Variants in NCAM1 observed in about 807,000 individuals in gnomAD.
The protein encoded by NCAM1 is antigen recognized by monoclonal antibody 5.1H11.
NCAM1 carries 14 observed loss-of-function variants against 109.8 expected under a neutral mutation model. The ratio of observed to expected loss-of-function variants is 0.13; its 90% CI spans 0.08 to 0.20. The LOEUF (loss-of-function observed/expected upper bound fraction) is 0.20. Ranked by LOEUF, NCAM1 falls within the 10% of genes least tolerant of loss-of-function variation. The pLI, the probability that NCAM1 is intolerant of heterozygous loss-of-function variation, is 1.00. For synonymous variants in NCAM1, 418 were observed against 442.9 expected (o/e 0.94, Z 0.70); for missense variants, 774 against 1,109.9 (o/e 0.70, Z 4.30).
chr11:113,248,007 C>T (rs1195093984), intron 15 of NCAM1, among the ~76,000 whole-genome samples: 2 of 152,108 alleles, frequency 1.3e-5, no homozygotes, highest in African/African-American at 4.8e-5. Context: ...CTATTCATTT[C>T]TTTTTTTAAA....
chr11:112,978,495 T>C (rs1555068082), intron 1 of NCAM1, among the ~76,000 whole-genome samples: 1 of 151,816 alleles, frequency 6.6e-6, no homozygotes. Flanking sequence ...AGAAATGTTC[T>C]TAATATTAGT....
intron 17 of NCAM1, chr11:113,265,036 A>T (rs1352894718): frequency 3.0e-6 from 3 of 985,394 alleles, no homozygotes; most frequent in Non-Finnish European, 3.6e-6. Flanking sequence ...CATGCTCCAC[A>T]CACCATGGGG....
At chr11:113,044,846 C>A (rs1240436597) in intron 1 of NCAM1, among the ~76,000 whole-genome samples, 3 of 152,026 alleles carry the variant, frequency 2.0e-5, no homozygotes, top group Non-Finnish European at 4.4e-5. Context: ...CTCTGCCTCG[C>A]AGGTTCACGC....
At position 113,207,266 on chromosome 11, in the gene NCAM1, C is replaced by T; in HGVS notation, c.634C>T (p.Pro212Ser). 1 of 1,613,800 alleles carries T rather than the reference C, an allele frequency of 6.2e-7. No individual in the cohort carries two copies. Among genetic ancestry groups the T allele is most frequent in the South Asian group, 1.1e-5 (1 of 91,070 alleles). The part of the protein sequence containing the change: ...KDIQVIVNVP[P>S]TIQARQNIVN... ...GACACCCTTTTTTCCTTCAGTGCCA[C>T]CTACCATCCAGGCCAGGCAGAATAT... Residue 212 changes from proline to serine, a missense_variant, in exon 6 of 20, where the codon CCT (proline) becomes TCT (serine). Physicochemically the swap from Pro to Ser is moderately conservative, Grantham distance 74. Around this residue, in one of 4 missense-constraint regions of NCAM1, gnomAD observed 523 missense variants for 784.2 expected, o/e 0.67. Coordinates refer to ENST00000316851, the MANE Select transcript of NCAM1 (RefSeq NM_181351.5).
chr11:113,093,043 T>C (rs988576428), intron 1 of NCAM1, among the ~76,000 whole-genome samples: 1 of 152,206 alleles, frequency 6.6e-6, no homozygotes, highest in African/African-American at 2.4e-5. Context: ...AATTCTTGAA[T>C]CTTTGGAGCC....
chr11:112,961,536 G>T lies in NCAM1; in HGVS notation c.-77G>T. ...CTGCCCCTAGGTCTGTCGCTCAGCCGCCGTCCACACTCGCTGCAGGGGGGG... is the reference window on the plus strand; with the variant it reads ...CTGCCCCTAGGTCTGTCGCTCAGCCTCCGTCCACACTCGCTGCAGGGGGGG... On this transcript the variant is annotated 5_prime_UTR_variant, in exon 1 of 20. Coordinates refer to ENST00000316851, the MANE Select transcript of NCAM1 (RefSeq NM_181351.5). The T allele has an allele frequency of 2.1e-6, 2 of 934,902 alleles. No individual in the cohort carries two copies. The highest frequency in any genetic ancestry group is 3.6e-6 in the Non-Finnish European group (2 of 563,008). The allele number at this position is 934,902 out of a possible 1,614,324, so 57.9% of individuals were successfully genotyped here.
chr11:113,265,264 C>T (rs759583542), intron 17 of NCAM1: 123 of 625,488 alleles, frequency 2.0e-4, no homozygotes, highest in East Asian at 4.2e-4. Flanking sequence ...CCTTTCCCTC[C>T]GCCTCTCATG....
chr11:113,010,628 G>A (rs1191677526), intron 1 of NCAM1, among the ~76,000 whole-genome samples: 1 of 152,160 alleles, frequency 6.6e-6, no homozygotes, highest in African/African-American at 2.4e-5. Context: ...GAGATTGAAA[G>A]ACCTGCTCTC....
intron 1 of NCAM1, among the ~76,000 whole-genome samples, chr11:113,117,513 C>A (rs1028032225): frequency 6.6e-6 from 1 of 151,890 alleles, no homozygotes; most frequent in East Asian, 1.9e-4. Context: ...GTCTTATTGG[C>A]GTTTTTGCTT....
At chr11:113,131,571 C>T (rs544881221) in intron 1 of NCAM1, among the ~76,000 whole-genome samples, 2 of 152,310 alleles carry the variant, frequency 1.3e-5, no homozygotes, top group South Asian at 4.1e-4. Flanking sequence ...GTCATCATAA[C>T]AGATGAAGCC....
At chr11:113,264,770 C>T in intron 17 of NCAM1, 1 of 985,480 alleles carries the variant, frequency 1.0e-6, no homozygotes, top group Non-Finnish European at 1.2e-6. Context: ...CAGGGTCAGG[C>T]AGGCCTCAGC....
At chr11:113,192,829 C>A (rs528002898) in intron 1 of NCAM1, among the ~76,000 whole-genome samples, 37 of 152,266 alleles carry the variant, frequency 2.4e-4, no homozygotes, top group African/African-American at 8.7e-4. Context: ...TGGAGATAAG[C>A]GTCAGGTCCT....
rs1943154748 is a variant in NCAM1, at chr11:113,176,678, C to G, written c.53-25701C>G. Reference sequence around the variant, plus strand: ...CAAAGGTTTCTTTCTTAGTTACATCCTAAGATATGAGACATCTGTAAATCC... The same window carrying G: ...CAAAGGTTTCTTTCTTAGTTACATCGTAAGATATGAGACATCTGTAAATCC... On this transcript the variant is annotated intron_variant, in intron 1 of 19. Coordinates refer to ENST00000316851, the MANE Select transcript of NCAM1 (RefSeq NM_181351.5). Among the ~76,000 whole-genome samples the G allele has an allele frequency of 3.3e-5, 5 of 152,132 alleles. No homozygotes were observed. The South Asian group carries it at 1.0e-3, about 31-fold the overall frequency.
At chr11:113,124,601 G>A (rs992179440) in intron 1 of NCAM1, among the ~76,000 whole-genome samples, 1 of 152,284 alleles carries the variant, frequency 6.6e-6, no homozygotes, top group African/African-American at 2.4e-5. Context: ...ATGGGAAACT[G>A]AGGTGTATTT....
At chr11:112,975,440 A>G (rs1454092033) in intron 1 of NCAM1, among the ~76,000 whole-genome samples, 3 of 152,132 alleles carry the variant, frequency 2.0e-5, no homozygotes, top group Admixed American at 2.0e-4. Context: ...ACCACGTTCA[A>G]AAAGTTTTTT....
chr11:113,176,964 C>T (rs1555107142), intron 1 of NCAM1, among the ~76,000 whole-genome samples: 1 of 152,168 alleles, frequency 6.6e-6, no homozygotes, highest in African/African-American at 2.4e-5. Context: ...TGATATGCTA[C>T]ACTGGGTTTA....
At chr11:112,992,984 C>A (rs1951504552) in intron 1 of NCAM1, among the ~76,000 whole-genome samples, 1 of 152,160 alleles carries the variant, frequency 6.6e-6, no homozygotes, top group South Asian at 2.1e-4. Flanking sequence ...ATCCCTATGT[C>A]ACCCTACTTC....
chr11:113,089,633 G>C (rs1426201047), intron 1 of NCAM1, among the ~76,000 whole-genome samples: 1 of 151,818 alleles, frequency 6.6e-6, no homozygotes, highest in Non-Finnish European at 1.5e-5. Flanking sequence ...CTTTAGGGTG[G>C]AATATAATTC....
intron 1 of NCAM1, among the ~76,000 whole-genome samples, chr11:113,150,322 G>A (rs970524726): frequency 6.6e-6 from 1 of 152,136 alleles, no homozygotes; most frequent in African/African-American, 2.4e-5. Context: ...TAATTTATTT[G>A]TCTGAGGCAA....
Sources: gnomAD v4.1 joint callset for allele counts (sites outside exome capture counted in the v4.1 genomes callset) on GRCh38, gnomAD v4.1.1 for gene constraint, gnomAD v4.1.1 regional missense constraint, MANE v1.5 for transcripts, NCBI Gene and HGNC (gene_info 2026-07-23, HGNC 2026-07-21) for gene names.